IRF5: variants seen among roughly 807,000 people sequenced by gnomAD.
The protein encoded by IRF5 is interferon regulatory factor 5.
In IRF5, 24 loss-of-function variants were observed where a neutral mutation model predicts 55.1. That is an observed-to-expected ratio of 0.44 (90% CI 0.32 to 0.61). The LOEUF is 0.61. Among genes scored for constraint, IRF5 ranks in the 20% least tolerant of loss-of-function variants. IRF5 has a pLI of 0.07. For missense variants in IRF5, 499 were observed against 658.5 expected (o/e 0.76, Z 2.65); for synonymous variants, 258 against 260.2 (o/e 0.99, Z 0.08).
Position 128,948,891 on chromosome 7 carries a change from C to G in IRF5, c.*73C>G. On this transcript the variant is annotated 3_prime_UTR_variant, in exon 9 of 9. Coordinates refer to ENST00000357234, the MANE Select transcript of IRF5 (RefSeq NM_001098629.3). This position sits in a 1 kb window ranked among gnomAD's most constrained non-coding sequence, Gnocchi z 4.6. ...GACTGATGTGGAGATGTGACAGCCC[C>G]GATGAGCACCTGGCTGGCTGCAGGG... The G allele has an allele frequency of 2.0e-6, 3 of 1,530,002 alleles. No individual in the cohort carries two copies. The highest frequency in any genetic ancestry group is 2.6e-6 in the Non-Finnish European group (3 of 1,137,348). The allele number at this position is 1,530,002 out of a possible 1,614,324, so 94.8% of individuals were successfully genotyped here.
At position 128,947,341 on chromosome 7, in the gene IRF5, C is replaced by T; in HGVS notation, c.593C>T (p.Pro198Leu). 1 of 1,595,174 alleles carries T rather than the reference C, an allele frequency of 6.3e-7. No homozygotes were observed. The highest frequency in any genetic ancestry group is 8.6e-7 in the Non-Finnish European group (1 of 1,169,302). Residue 198 changes from proline to leucine, a missense_variant, in exon 6 of 9, where the codon CCC becomes CTC. Physicochemically the swap from Pro to Leu is moderately conservative, Grantham distance 98 (BLOSUM62 -3). Transcript: ENST00000357234. The surrounding 1 kb of genome is among the most constrained non-coding windows in gnomAD (Gnocchi z 6.5). ...PTLRPPTLQP[P>L]TLQPPVVLGP... is the part of the protein sequence containing the mutation. ...CTGCGGCCGCCTACTCTGCAGCCGC[C>T]CACTCTGCAGCCGCCCGTGGTGCTG...
Position 128,948,650 on chromosome 7 carries a change from A to T in IRF5, c.1377A>T (p.Leu459=). The T allele has an allele frequency of 6.2e-7, 1 of 1,614,202 alleles. No individual in the cohort carries two copies. Among genetic ancestry groups the T allele is most frequent in the Non-Finnish European group, 8.5e-7 (1 of 1,180,036 alleles). Residue 459 remains leucine, a synonymous_variant, in exon 9 of 9, where the codon CTA becomes CTT. Transcript: ENST00000357234. The surrounding 1 kb of genome is among the most constrained non-coding windows in gnomAD (Gnocchi z 4.6). ...ELSWSADSIR[L]QISNPDLKDR... ...CTTGGTCAGCTGATAGTATCCGGCT[A>T]CAGATCTCAAACCCAGACCTCAAAG...
At chr7:128,937,733 T>G (rs1452909515), upstream of IRF5, 1 of 152,302 alleles carries the variant, frequency 6.6e-6, no homozygotes, top group Non-Finnish European at 1.5e-5. Context: ...CATTCCAGAT[T>G]GCCAAAAGAG....
At chr7:128,943,569 C>A (rs1234164333) in intron 2 of IRF5, among the ~76,000 whole-genome samples, 3 of 133,568 alleles carry the variant, frequency 2.2e-5, no homozygotes, top group African/African-American at 8.6e-5. Flanking sequence ...GAGATGGAGT[C>A]TTGCTTTTTC....
At chr7:128,943,457 A>AACC (rs1796139498) in intron 2 of IRF5, among the ~76,000 whole-genome samples, 1 of 150,334 alleles carries the variant, frequency 6.7e-6, no homozygotes, top group South Asian at 2.1e-4. Flanking sequence ...GTCATAGCAC[A>AACC]ACCTCCAACT....
intron 1 of IRF5, chr7:128,941,354 G>C (rs1796009947): frequency 6.6e-6 from 1 of 152,550 alleles, no homozygotes; most frequent in South Asian, 2.1e-4. Context: ...GGAGGAGAAG[G>C]GGGAGGACCA....
intron 2 of IRF5, among the ~76,000 whole-genome samples, 168 bp downstream of exon 2, chr7:128,942,444 A>G (rs1007327898): frequency 2.0e-5 from 3 of 148,588 alleles, no homozygotes; most frequent in South Asian, 2.1e-4. Context: ...GACACAGGGT[A>G]CACCTTTTTC....
At position 128,946,509 on chromosome 7, in the gene IRF5, C is replaced by T. The variant is rs749129718; in HGVS notation, c.394C>T (p.Pro132Ser). 6.2e-7 allele frequency: 1 copy of T among 1,607,418 alleles called. No individual in the cohort carries two copies. The highest frequency in any genetic ancestry group is 1.1e-5 in the South Asian group (1 of 89,298). The change falls in exon 4 of 9, where the codon CCC becomes TCC. Residue 132 changes from proline (P) to serine (S), a missense_variant. Physicochemically the swap from Pro to Ser is moderately conservative, Grantham distance 74. Coordinates refer to ENST00000357234, the MANE Select transcript of IRF5 (RefSeq NM_001098629.3). The surrounding 1 kb of genome is among the most constrained non-coding windows in gnomAD (Gnocchi z 4.2). ...CTCTCCCTGCTGTGCAGACTCCCAG[C>T]CCCCTGAGGATTACTCTTTTGGTGC... is the stretch of plus-strand genomic sequence containing the variant. Reference protein sequence around the residue: ...SNGPAPTDSQPPEDYSFGAGE... With the variant: ...SNGPAPTDSQSPEDYSFGAGE...
chr7:128,947,429 G>T lies in IRF5; in HGVS notation c.681G>T (p.Arg227Ser). The change falls in exon 6 of 9, where the codon AGG becomes AGT. Residue 227 changes from arginine (R) to serine (S), a missense_variant. Transcript: ENST00000357234. The surrounding 1 kb of genome is among the most constrained non-coding windows in gnomAD (Gnocchi z 6.5). ...CCCCTGGCAACCCTGCTGGCTTCAG[G>T]GAGCTTCTCTCTGAGGTCCTGGAGC... Reference protein sequence around the residue: ...APPPGNPAGFRELLSEVLEPG... With the variant: ...APPPGNPAGFSELLSEVLEPG... 1 of 1,611,700 alleles carries T rather than the reference G, an allele frequency of 6.2e-7. No homozygotes were observed. The highest frequency in any genetic ancestry group is 8.5e-7 in the Non-Finnish European group (1 of 1,179,450).
At position 128,947,839 on chromosome 7, in the gene IRF5, G is replaced by A. The variant is rs1365703320; in HGVS notation, c.898G>A (p.Glu300Lys). The change falls in exon 7 of 9, where the codon GAG (glutamate) becomes AAG (lysine). Residue 300 changes from glutamate to lysine, a missense_variant. Glu to Lys is a moderately conservative substitution (Grantham distance 56). This residue lies in a region of IRF5 where 194 missense variants were observed against 318.3 expected (regional missense o/e 0.61). Coordinates refer to ENST00000357234, the MANE Select transcript of IRF5 (RefSeq NM_001098629.3). The surrounding 1 kb of genome is among the most constrained non-coding windows in gnomAD (Gnocchi z 6.5). ...LFYSQLEATQ[E>K]QVELFGPISL... ...CTACAGCCAGCTGGAGGCCACCCAG[G>A]AGCAGGTGGAACTCTTCGGCCCCAT... 6.2e-7 allele frequency: 1 copy of A among 1,613,862 alleles called. No individual in the cohort carries two copies. The highest frequency in any genetic ancestry group is 1.3e-5 in the African/African-American group (1 of 74,896).
At chr7:128,941,108 G>A (rs571393997) in intron 1 of IRF5, among the ~76,000 whole-genome samples, 4 of 152,354 alleles carry the variant, frequency 2.6e-5, no homozygotes, top group Admixed American at 6.5e-5. Flanking sequence ...GGGGACTCAG[G>A]ACTGTGGAGA....
intron 2 of IRF5, 102 bp downstream of exon 2, chr7:128,942,378 G>C: frequency 1.0e-6 from 1 of 996,724 alleles, no homozygotes; most frequent in Non-Finnish European, 1.5e-6. Flanking sequence ...CTGGCCACCC[G>C]CCCAGCTACC....
In IRF5 at chr7:128,946,523, C is replaced by T. The variant is rs1468813112; in HGVS notation, c.408C>T (p.Tyr136=). Residue 136 remains tyrosine, a synonymous_variant, in exon 4 of 9, where the codon TAC becomes TAT. Transcript: ENST00000357234. The surrounding 1 kb of genome is among the most constrained non-coding windows in gnomAD (Gnocchi z 4.2). The part of the protein sequence containing the change: ...APTDSQPPED[Y]SFGAGEEEEE... ...CAGACTCCCAGCCCCCTGAGGATTA[C>T]TCTTTTGGTGCAGGAGAGGAGGAGG... 6.2e-7 allele frequency: 1 copy of T among 1,608,610 alleles called. No homozygotes were observed. The highest frequency in any genetic ancestry group is 1.3e-5 in the African/African-American group (1 of 75,000).
rs995164978 is a variant in IRF5, at chr7:128,946,789, G to C, written c.447+227G>C. 2.8e-5 allele frequency: 18 copies of C among 647,960 alleles called. No individual in the cohort carries two copies. The highest frequency in any genetic ancestry group is 4.4e-5 in the Non-Finnish European group (16 of 364,828). 40.1% of individuals were successfully genotyped at this position (647,960 alleles called of 1,614,324 possible). A position where few individuals can be genotyped will look rare whatever the true frequency, so the allele number is the denominator to read the frequency against. On this transcript the variant is annotated intron_variant, in intron 4 of 8. Transcript: ENST00000357234. The surrounding 1 kb of genome is among the most constrained non-coding windows in gnomAD (Gnocchi z 4.2). The stretch of plus-strand genomic sequence containing the variant: ...GTGACCCACGCAGCAGTTGGGGCTT[G>C]GTAGGTCTGACTCCCTGCAGAAGGC...
At position 128,947,624 on chromosome 7, in the gene IRF5, G is replaced by C. The variant is rs939215273; in HGVS notation, c.787+89G>C. On this transcript the variant is annotated intron_variant, in intron 6 of 8. Transcript: ENST00000357234. The surrounding 1 kb of genome is among the most constrained non-coding windows in gnomAD (Gnocchi z 6.5). Reference sequence around the variant, plus strand: ...GGGTGGAGGGTGCTGGACTCCCTTGGGTGGGAAAAGTGGGAGGGCGGATGG... The same window carrying C: ...GGGTGGAGGGTGCTGGACTCCCTTGCGTGGGAAAAGTGGGAGGGCGGATGG... 165 of 1,514,076 alleles carry C rather than the reference G, an allele frequency of 1.1e-4. No homozygotes were observed. The highest frequency in any genetic ancestry group is 1.4e-4 in the Non-Finnish European group (161 of 1,137,328). The allele number at this position is 1,514,076 out of a possible 1,614,324, so 93.8% of individuals were successfully genotyped here. A position where few individuals can be genotyped will look rare whatever the true frequency, so the allele number is the denominator to read the frequency against.
chr7:128,945,898 G>A lies in IRF5; in HGVS notation c.249G>A (p.Pro83=), dbSNP rs146462268. The part of the protein sequence containing the change: ...KYTEGVDEAD[P]AKWKANLRCA... ...CCGAAGGCGTGGATGAAGCCGATCC[G>A]GCCAAGTGGAAGGCCAACCTGCGCT... Residue 83 remains proline, a synonymous_variant, in exon 3 of 9, where the codon CCG becomes CCA. Transcript: ENST00000357234. 1,608 of 1,613,492 alleles carry A rather than the reference G, an allele frequency of 1.0e-3. 17 individuals carry two copies. The African/African-American group carries it at 0.019, about 19-fold the overall frequency.
In IRF5 at chr7:128,948,916, G is replaced by A; in HGVS notation, c.*98G>A. 1 of 1,439,896 alleles carries A rather than the reference G, an allele frequency of 6.9e-7. No individual in the cohort carries two copies. The highest frequency in any genetic ancestry group is 9.3e-7 in the Non-Finnish European group (1 of 1,072,958). 89.2% of individuals were successfully genotyped at this position (1,439,896 alleles called of 1,614,324 possible). The stretch of plus-strand genomic sequence containing the variant: ...CGATGAGCACCTGGCTGGCTGCAGG[G>A]TCCTACCTCTGGGTTTCCTGGAAGT... On this transcript the variant is annotated 3_prime_UTR_variant, in exon 9 of 9. Transcript: ENST00000357234. This position sits in a 1 kb window ranked among gnomAD's most constrained non-coding sequence, Gnocchi z 4.6.
At position 128,947,715 on chromosome 7, in the gene IRF5, C is replaced by T. The variant is rs567492550; in HGVS notation, c.788-14C>T. Reference sequence around the variant, plus strand: ...GGGCTCAAGGACGGGATGGGCCTGCCTTCTGCCCCACAGTGACCGACCTGG... The same window carrying T: ...GGGCTCAAGGACGGGATGGGCCTGCTTTCTGCCCCACAGTGACCGACCTGG... On this transcript the variant is annotated splice_polypyrimidine_tract_variant and intron_variant, in intron 6 of 8. Transcript: ENST00000357234. This position sits in a 1 kb window ranked among gnomAD's most constrained non-coding sequence, Gnocchi z 6.5. The T allele has an allele frequency of 3.1e-6, 5 of 1,589,568 alleles. No individual in the cohort carries two copies. In the African/African-American group the frequency reaches 6.7e-5, roughly 21 times the overall value.
intron 2 of IRF5, among the ~76,000 whole-genome samples, chr7:128,944,083 T>C (rs1395216685): frequency 6.6e-6 from 1 of 152,248 alleles, no homozygotes; most frequent in Admixed American, 6.5e-5. Context: ...CACATGTGTG[T>C]ATATGGAATG....
Sources: gnomAD v4.1 joint callset for allele counts (sites outside exome capture counted in the v4.1 genomes callset) on GRCh38, gnomAD v4.1.1 for gene constraint, gnomAD v4.1.1 regional missense constraint, Gnocchi (gnomAD v3.1) non-coding constraint, MANE v1.5 for transcripts, NCBI Gene and HGNC (gene_info 2026-07-23, HGNC 2026-07-21) for gene names.